Variants in UNC5D observed in about 807,000 individuals in gnomAD.
UNC5D encodes the protein unc-5 netrin receptor D.
Under a neutral mutation model 105.4 loss-of-function variants are expected in UNC5D, and 39 were observed. The observed-to-expected ratio is 0.37, with a 90% CI of 0.29 to 0.48. The LOEUF (loss-of-function observed/expected upper bound fraction) is 0.48. UNC5D is among the 20% of genes least tolerant of loss of function. The pLI, the probability that UNC5D is intolerant of heterozygous loss-of-function variation, is 0.98. For missense variants in UNC5D, 991 were observed against 1,202.4 expected (o/e 0.82, Z 2.60); for synonymous variants, 452 against 450.4 (o/e 1.00, Z -0.04).
At chr8:35,408,511 C>T (rs1365614735) in intron 1 of UNC5D, among the ~76,000 whole-genome samples, 1 of 150,618 alleles carries the variant, frequency 6.6e-6, no homozygotes, top group East Asian at 2.0e-4. Context: ...ACATGGTGAG[C>T]CATACTTGGA....
chr8:35,273,255 A>C (rs1298958080), intron 1 of UNC5D, among the ~76,000 whole-genome samples: 1 of 152,242 alleles, frequency 6.6e-6, no homozygotes, highest in African/African-American at 2.4e-5. Flanking sequence ...TTCCCGAATT[A>C]ATCAACTAGA....
intron 1 of UNC5D, among the ~76,000 whole-genome samples, chr8:35,510,311 A>C (rs373933097): frequency 4.6e-5 from 3 of 65,300 alleles, no homozygotes; most frequent in African/African-American, 4.4e-4. Context: ...TTTTATATCC[A>C]AAAAAAAAAA....
chr8:35,331,494 T>G (rs1222248963), intron 1 of UNC5D, among the ~76,000 whole-genome samples: 1 of 152,124 alleles, frequency 6.6e-6, no homozygotes, highest in Non-Finnish European at 1.5e-5. Context: ...TGTCTAGTCA[T>G]CTTAGCCTCC....
In UNC5D at chr8:35,326,773, A is replaced by G. The variant is rs541951543; in HGVS notation, c.103+90886A>G. Among the ~76,000 whole-genome samples the G allele has an allele frequency of 4.2e-5, 6 of 143,408 alleles. No homozygotes were observed. In the East Asian group the frequency reaches 1.0e-3, roughly 24 times the overall value. 94.1% of individuals were successfully genotyped at this position (143,408 alleles called of 152,430 possible). ...TCTTTCTCTAAATAAAAAGTGAAGG[A>G]AAAAAAAAAAGGCTCATATAAGGCA... On this transcript the variant is annotated intron_variant, in intron 1 of 16. Coordinates refer to ENST00000404895, the MANE Select transcript of UNC5D (RefSeq NM_080872.4).
intron 7 of UNC5D, among the ~76,000 whole-genome samples, chr8:35,688,116 A>T (rs1483333822): frequency 2.0e-5 from 3 of 151,764 alleles, no homozygotes; most frequent in African/African-American, 7.3e-5. Flanking sequence ...TGGGTGACAG[A>T]GCGAGACTCC....
chr8:35,404,407 G>T (rs952766506), intron 1 of UNC5D, among the ~76,000 whole-genome samples: 5 of 152,162 alleles, frequency 3.3e-5, no homozygotes, highest in African/African-American at 1.2e-4. Flanking sequence ...TGGGTTTTGT[G>T]GTGCTTGGAC....
At chr8:35,341,591 G>A (rs2128902514) in intron 1 of UNC5D, among the ~76,000 whole-genome samples, 1 of 151,950 alleles carries the variant, frequency 6.6e-6, no homozygotes, top group African/African-American at 2.4e-5. Flanking sequence ...CTGTCGTCTT[G>A]ATATAACCTT....
At chr8:35,542,939 A>G (rs1479629901) in intron 1 of UNC5D, among the ~76,000 whole-genome samples, 4 of 152,212 alleles carry the variant, frequency 2.6e-5, no homozygotes, top group Non-Finnish European at 5.9e-5. Context: ...ATGGTGCCAC[A>G]TGATATGTAT....
At chr8:35,775,276 T>C (rs1388557830) in intron 16 of UNC5D, among the ~76,000 whole-genome samples, 2 of 152,194 alleles carry the variant, frequency 1.3e-5, no homozygotes, top group East Asian at 3.8e-4. Flanking sequence ...CCAGAGGATG[T>C]GAAATAAGCA....
intron 1 of UNC5D, among the ~76,000 whole-genome samples, chr8:35,367,932 G>A (rs186177066): frequency 5.7e-4 from 87 of 152,174 alleles, no homozygotes; most frequent in South Asian, 2.1e-3. Flanking sequence ...TTCTCTATAC[G>A]TCTTCTCTAT....
chr8:35,291,644 T>C (rs1807075260), intron 1 of UNC5D, among the ~76,000 whole-genome samples: 1 of 152,220 alleles, frequency 6.6e-6, no homozygotes, highest in Non-Finnish European at 1.5e-5. Context: ...TGTTTCTTTA[T>C]GGTGTCATTG....
chr8:35,400,388 A>G (rs1423700475), intron 1 of UNC5D, among the ~76,000 whole-genome samples: 1 of 152,184 alleles, frequency 6.6e-6, no homozygotes, highest in Non-Finnish European at 1.5e-5. Context: ...ATGGGAAGAT[A>G]GATATTTTCC....
chr8:35,771,795 C>G (rs1250222156), intron 15 of UNC5D, among the ~76,000 whole-genome samples: 2 of 152,168 alleles, frequency 1.3e-5, no homozygotes, highest in Non-Finnish European at 2.9e-5. Flanking sequence ...TGTCTTGAAA[C>G]AGGGTGCTAT....
chr8:35,596,080 C>A (rs1819476244), intron 4 of UNC5D, among the ~76,000 whole-genome samples: 1 of 152,298 alleles, frequency 6.6e-6, no homozygotes, highest in South Asian at 2.1e-4. Flanking sequence ...GGTGTTTGTT[C>A]ATCCTTCACT....
chr8:35,361,406 T>TTATG (rs1801844055), intron 1 of UNC5D, among the ~76,000 whole-genome samples: 1 of 152,188 alleles, frequency 6.6e-6, no homozygotes, highest in South Asian at 2.1e-4. Context: ...CAATGTGACC[T>TTATG]TATGTTAAGA....
At chr8:35,392,627 C>G (rs1359462540) in intron 1 of UNC5D, among the ~76,000 whole-genome samples, 2 of 152,154 alleles carry the variant, frequency 1.3e-5, no homozygotes, top group Admixed American at 1.3e-4. Flanking sequence ...ATTGGCACAC[C>G]TAGTAATCTA....
At chr8:35,739,036 C>T (rs1159016292) in intron 11 of UNC5D, among the ~76,000 whole-genome samples, 2 of 152,256 alleles carry the variant, frequency 1.3e-5, no homozygotes, top group African/African-American at 2.4e-5. Context: ...AAAGATGCCT[C>T]CCAGGTAACA....
chr8:35,438,624 A>G (rs1018889004), intron 1 of UNC5D, among the ~76,000 whole-genome samples: 1 of 151,970 alleles, frequency 6.6e-6, no homozygotes, highest in Non-Finnish European at 1.5e-5. Flanking sequence ...CCTGCAGAGA[A>G]TAACATAAGC....
chr8:35,307,750 T>G (rs1378734616), intron 1 of UNC5D, among the ~76,000 whole-genome samples: 1 of 152,004 alleles, frequency 6.6e-6, no homozygotes, highest in Non-Finnish European at 1.5e-5. Context: ...GAGGGGAAAA[T>G]GCTGTGGGAT....
Sources: allele counts gnomAD v4.1 joint callset (sites outside exome capture counted in the v4.1 genomes callset), GRCh38; gene constraint gnomAD v4.1.1; transcripts MANE v1.5; gene names NCBI Gene and HGNC (gene_info 2026-07-23, HGNC 2026-07-21).